GPC5: variants seen among roughly 807,000 people sequenced by gnomAD.
The protein encoded by GPC5 is glypican-5.
A neutral mutation model predicts 53.9 loss-of-function variants in GPC5; 47 were observed. The observed-to-expected ratio is 0.87, with a 90% CI of 0.69 to 1.11. The LOEUF (loss-of-function observed/expected upper bound fraction) is 1.11. Among genes scored for constraint, GPC5 ranks in the 50% most tolerant of loss-of-function variants. The pLI, the probability that GPC5 is intolerant of heterozygous loss-of-function variation, is 0.00. For missense variants in GPC5, 748 were observed against 713.1 expected (o/e 1.05, Z -0.56); for synonymous variants, 286 against 263.3 (o/e 1.09, Z -0.84).
intron 3 of GPC5, among the ~76,000 whole-genome samples, chr13:91,718,099 T>TTTGTTG (rs200812685): frequency 0.049 from 7,420 of 151,324 alleles, 255 homozygotes; most frequent in East Asian, 0.2. Flanking sequence ...TCCCCTAATC[T>TTTGTTG]TTGTTGTTGT....
chr13:91,409,648 T>C (rs1356528603), intron 1 of GPC5, among the ~76,000 whole-genome samples: 4 of 152,204 alleles, frequency 2.6e-5, no homozygotes, highest in African/African-American at 4.8e-5. Flanking sequence ...TATTTTCTTT[T>C]CTTTTCTTTT....
intron 7 of GPC5, among the ~76,000 whole-genome samples, chr13:92,339,316 A>C (rs2043347385): frequency 6.6e-6 from 1 of 151,916 alleles, no homozygotes; most frequent in Non-Finnish European, 1.5e-5. Flanking sequence ...TGATGTGTTA[A>C]TTTTGGGGAA....
intron 7 of GPC5, among the ~76,000 whole-genome samples, chr13:92,150,130 T>G (rs2041896687): frequency 6.6e-6 from 1 of 151,970 alleles, no homozygotes; most frequent in Non-Finnish European, 1.5e-5. Context: ...GCTTATCATT[T>G]ATCCATTCAT....
At chr13:91,583,326 A>T (rs1391810249) in intron 2 of GPC5, among the ~76,000 whole-genome samples, 1 of 152,234 alleles carries the variant, frequency 6.6e-6, no homozygotes, top group Non-Finnish European at 1.5e-5. Flanking sequence ...AACTATTAAA[A>T]TTAATAAGTG....
At chr13:91,815,309 C>T (rs1388958331) in intron 5 of GPC5, among the ~76,000 whole-genome samples, 4 of 152,062 alleles carry the variant, frequency 2.6e-5, no homozygotes, top group East Asian at 3.9e-4. Flanking sequence ...GTCGAGACTA[C>T]AATGAGCCAT....
chr13:91,403,861 A>G (rs909234176), intron 1 of GPC5, among the ~76,000 whole-genome samples: 1 of 152,074 alleles, frequency 6.6e-6, no homozygotes, highest in African/African-American at 2.4e-5. Context: ...GATCACACAT[A>G]TTCCCTCATG....
intron 7 of GPC5, among the ~76,000 whole-genome samples, chr13:92,661,983 C>T (rs528919642): frequency 6.6e-6 from 1 of 152,260 alleles, no homozygotes; most frequent in South Asian, 2.1e-4. Flanking sequence ...TTCAGCTCTC[C>T]TGTCTTAAAT....
At chr13:92,399,221 T>TAA (rs1875443376) in intron 7 of GPC5, among the ~76,000 whole-genome samples, 1 of 152,200 alleles carries the variant, frequency 6.6e-6, no homozygotes. Flanking sequence ...CAGAGATGAA[T>TAA]AAATTAGGGT....
intron 7 of GPC5, among the ~76,000 whole-genome samples, chr13:92,300,542 T>C (rs1417998247): frequency 2.6e-5 from 4 of 152,192 alleles, no homozygotes; most frequent in African/African-American, 9.7e-5. Flanking sequence ...AATATCTTTA[T>C]GGATCAGTCA....
intron 7 of GPC5, among the ~76,000 whole-genome samples, chr13:92,252,418 T>C (rs1198614151): frequency 6.6e-6 from 1 of 152,084 alleles, no homozygotes; most frequent in Admixed American, 6.6e-5. Flanking sequence ...ATATCTACTG[T>C]GTTAAAGACA....
intron 6 of GPC5, among the ~76,000 whole-genome samples, chr13:91,988,844 G>T (rs574667301): frequency 1.1e-4 from 16 of 149,754 alleles, no homozygotes; most frequent in Non-Finnish European, 2.4e-4. Flanking sequence ...ATTAGCACTT[G>T]GTCAAAACCT....
At chr13:91,960,282 A>G (rs911950891) in intron 6 of GPC5, among the ~76,000 whole-genome samples, 2 of 152,050 alleles carry the variant, frequency 1.3e-5, no homozygotes, top group East Asian at 1.9e-4. Flanking sequence ...CTATGTATCA[A>G]TAATGAACTA....
At chr13:91,591,444 C>G (rs2032794924) in intron 2 of GPC5, among the ~76,000 whole-genome samples, 1 of 152,026 alleles carries the variant, frequency 6.6e-6, no homozygotes. Flanking sequence ...TAGTTTCTAG[C>G]CGGGGTTCTT....
At chr13:92,339,158 A>G (rs1926649) in intron 7 of GPC5, among the ~76,000 whole-genome samples, 69,639 of 150,802 alleles carry the variant, frequency 0.46, 17,189 homozygotes, top group African/African-American at 0.65. Context: ...TATATCATAC[A>G]TATGTATCAT....
intron 6 of GPC5, among the ~76,000 whole-genome samples, chr13:92,115,309 C>T (rs968750065): frequency 6.6e-6 from 1 of 152,138 alleles, no homozygotes; most frequent in African/African-American, 2.4e-5. Context: ...GAGATCGAGA[C>T]CATTCTGGCC....
intron 5 of GPC5, among the ~76,000 whole-genome samples, chr13:91,757,731 C>A (rs2037325903): frequency 1.3e-5 from 2 of 152,032 alleles, no homozygotes; most frequent in South Asian, 4.1e-4. Flanking sequence ...TATAAATCAC[C>A]CAGTCTTGGG....
chr13:92,385,421 C>T (rs1453549300), intron 7 of GPC5, among the ~76,000 whole-genome samples: 2 of 30,060 alleles, frequency 6.7e-5, no homozygotes, highest in South Asian at 1.1e-3. Flanking sequence ...CATATATATA[C>T]ATATATACAT....
intron 2 of GPC5, among the ~76,000 whole-genome samples, chr13:91,674,462 C>T (rs114551580): frequency 0.017 from 2,612 of 149,456 alleles, 145 homozygotes; most frequent in African/African-American, 0.062. Flanking sequence ...CACACACACA[C>T]GCACATATAC....
chr13:91,774,489 A>T (rs1232675027), intron 5 of GPC5, among the ~76,000 whole-genome samples: 1 of 152,144 alleles, frequency 6.6e-6, no homozygotes, highest in Non-Finnish European at 1.5e-5. Context: ...CCTGTGAAGG[A>T]TGGGCTGGTG....
Sources: gnomAD v4.1 joint callset for allele counts (sites outside exome capture counted in the v4.1 genomes callset) on GRCh38, gnomAD v4.1.1 for gene constraint, MANE v1.5 for transcripts, NCBI Gene and HGNC (gene_info 2026-07-23, HGNC 2026-07-21) for gene names.